Variants in AP1G2 observed in about 807,000 individuals in gnomAD.
AP1G2 encodes AP-1 complex subunit gamma-like 2.
AP1G2 carries 85 observed loss-of-function variants against 95.8 expected under a neutral mutation model. That is an observed-to-expected ratio of 0.89 (90% CI 0.74 to 1.06). AP1G2 has a LOEUF of 1.06. Among genes scored for constraint, AP1G2 ranks in the 50% least tolerant of loss-of-function variants. AP1G2 has a pLI of 0.00. For missense variants in AP1G2, 967 were observed against 1,005.8 expected, an observed-to-expected ratio of 0.96 and a Z score of 0.52; for synonymous variants, 378 against 400.0, an observed-to-expected ratio of 0.94 and a Z score of 0.66.
At position 23,566,574 on chromosome 14, in the gene AP1G2, T is replaced by C. The variant is rs1169462306; in HGVS notation, c.317A>G (p.Asn106Ser). Residue 106 changes from asparagine to serine, a missense_variant, in exon 3 of 22, where the codon AAC becomes AGC. Asn to Ser is a conservative substitution (Grantham distance 46). Transcript: ENST00000397120. ...AGAACCCTCTCACTTCTTGATGCTGTTGGTAATGAGCAGGTGGGCATCGTG... is the reference window on the plus strand; with the variant it reads ...AGAACCCTCTCACTTCTTGATGCTGCTGGTAATGAGCAGGTGGGCATCGTG... ...ERHDAHLLIT[N>S]SIKNDLSQGI... is the part of the protein sequence containing the mutation. 1 of 1,614,010 alleles carries C rather than the reference T, an allele frequency of 6.2e-7. No individual in the cohort carries two copies. The highest frequency in any genetic ancestry group is 1.1e-5 in the South Asian group (1 of 91,088).
Position 23,565,110 on chromosome 14 carries a change from A to C in AP1G2, c.822+9T>G. 1.9e-6 allele frequency: 3 copies of C among 1,614,006 alleles called. No individual in the cohort carries two copies. In the South Asian group the frequency reaches 3.3e-5, roughly 18 times the overall value. On this transcript the variant is annotated intron_variant, in intron 8 of 21. Transcript: ENST00000397120. ...CAACACAGCTAACCAGTGCCCTCCC[A>C]GGCCCCACCTGGGCCAGCAAGTCAT...
rs1458985162 is a variant in AP1G2 at position 23,562,386 on chromosome 14, C to G, written c.1530G>C (p.Leu510=). 2 of 1,614,176 alleles carry G rather than the reference C, an allele frequency of 1.2e-6. No homozygotes were observed. Among genetic ancestry groups the G allele is most frequent in the Non-Finnish European group, 1.7e-6 (2 of 1,180,020 alleles). The change falls in exon 16 of 22, where the codon CTG becomes CTC. Residue 510 remains leucine (L), a synonymous_variant. Transcript: ENST00000397120. The stretch of plus-strand genomic sequence containing the variant: ...ACATGTGGGACTGCAGCACCTTTTC[C>G]AGCAATGCCAGCACTTCCTCTTCGT... ...QVDEEEVLAL[L]EKVLQSHMSL...
At position 23,561,613 on chromosome 14, in the gene AP1G2, G is replaced by A. The variant is rs183261172; in HGVS notation, c.1756C>T (p.Pro586Ser). 1.4e-5 allele frequency: 22 copies of A among 1,614,068 alleles called. No homozygotes were observed. The Admixed American group carries it at 1.8e-4, about 13-fold the overall frequency. The change falls in exon 18 of 22, where the codon CCT becomes TCT. Residue 586 changes from proline (P) to serine (S), a missense_variant. Pro to Ser is a moderately conservative substitution (Grantham distance 74). Transcript: ENST00000397120. ...HMRAAILEKM[P>S]LVERDGPQAD... The stretch of plus-strand genomic sequence containing the variant: ...TGAGGGCCATCTCGCTCCACAAGAG[G>A]CATTTTTTCCAGGATGGCAGCCCTG...
At chr14:23,561,219 C>T in intron 19 of AP1G2, 77 bp downstream of exon 19, 1 of 1,494,180 alleles carries the variant, frequency 6.7e-7, no homozygotes, top group South Asian at 1.4e-5. Context: ...CCATGAGCCT[C>T]AGCCCTTGGC....
chr14:23,566,899 C>G (rs1489345624), intron 2 of AP1G2: 1 of 888,200 alleles, frequency 1.1e-6, no homozygotes, highest in African/African-American at 1.7e-5. Context: ...GGAGGAGATG[C>G]CTGCCCTAAA....
At position 23,567,556 on chromosome 14, in the gene AP1G2, G is replaced by A; in HGVS notation, c.-6+183C>T. ...GCGCCCCTTCCTATTGAGCATGCGC[G>A]GGAGCCCCACCTATTTCTCTCTACC... On this transcript the variant is annotated intron_variant, in intron 1 of 21. Coordinates refer to ENST00000397120, the MANE Select transcript of AP1G2 (RefSeq NM_003917.5). The surrounding 1 kb of genome is among the most constrained non-coding windows in gnomAD (Gnocchi z 5.3). 2 of 1,318,256 alleles carry A rather than the reference G, an allele frequency of 1.5e-6. No homozygotes were observed. Among genetic ancestry groups the A allele is most frequent in the Non-Finnish European group, 1.9e-6 (2 of 1,039,094 alleles). 81.7% of individuals were successfully genotyped at this position (1,318,256 alleles called of 1,614,324 possible).
At chr14:23,566,004 G>T in intron 5 of AP1G2, 60 bp downstream of exon 5, 1 of 1,613,574 alleles carries the variant, frequency 6.2e-7, no homozygotes, top group South Asian at 1.1e-5. Context: ...GTTCCCATCC[G>T]ATTTTCAATT....
chr14:23,564,415 T>A, intron 9 of AP1G2, 27 bp from the exon 10 acceptor site: 1 of 1,613,812 alleles, frequency 6.2e-7, no homozygotes, highest in Non-Finnish European at 8.5e-7. Context: ...TTGGGGTCAG[T>A]CGGAAAGGAG....
intron 8 of AP1G2, 103 bp downstream of exon 8, chr14:23,565,016 G>A: frequency 9.3e-7 from 1 of 1,077,328 alleles, no homozygotes; most frequent in Non-Finnish European, 1.4e-6. Context: ...GAGATGGAGA[G>A]GCAATTACAC....
At position 23,563,370 on chromosome 14, in the gene AP1G2, G is replaced by T. The variant is rs373713459; in HGVS notation, c.1410+10C>A. 1 of 1,580,334 alleles carries T rather than the reference G, an allele frequency of 6.3e-7. No individual in the cohort carries two copies. Among genetic ancestry groups the T allele is most frequent in the Admixed American group, 1.8e-5 (1 of 55,416 alleles). On this transcript the variant is annotated intron_variant, in intron 14 of 21. Transcript: ENST00000397120. ...GGGCAGCCCTGGGCCTAGGTAGGTG[G>T]GAATGGTACCTGGGAAATGTCTTCT... is the stretch of plus-strand genomic sequence containing the variant.
At chr14:23,560,884 A>T in intron 19 of AP1G2, 1 of 183,874 alleles carries the variant, frequency 5.4e-6, no homozygotes, top group Non-Finnish European at 1.1e-5. Context: ...GAACTGACTT[A>T]AATAGGAGTG....
chr14:23,561,398 C>T lies in AP1G2; in HGVS notation c.1891G>A (p.Asp631Asn). ...SQLLDLLDLL[D>N]GASGDVQHPP... ...TGCTGGACATCCCCAGAAGCCCCATCCAGGAGATCTAGCAGATCCAGGAGC... is the reference window on the plus strand; with the variant it reads ...TGCTGGACATCCCCAGAAGCCCCATTCAGGAGATCTAGCAGATCCAGGAGC... Residue 631 changes from aspartate to asparagine, a missense_variant, in exon 19 of 22, where the codon GAT (aspartate) becomes AAT (asparagine). Coordinates refer to ENST00000397120, the MANE Select transcript of AP1G2 (RefSeq NM_003917.5). The T allele has an allele frequency of 6.2e-7, 1 of 1,606,200 alleles. No individual in the cohort carries two copies. Among genetic ancestry groups the T allele is most frequent in the Non-Finnish European group, 8.5e-7 (1 of 1,175,032 alleles).
intron 7 of AP1G2, 167 bp downstream of exon 7, chr14:23,565,439 T>C: frequency 1.4e-6 from 1 of 734,560 alleles, no homozygotes. Flanking sequence ...TTTTAGGCAT[T>C]CCCTCTCCCC....
chr14:23,564,760 C>T, intron 8 of AP1G2, 100 bp from the exon 9 acceptor site: 1 of 1,095,392 alleles, frequency 9.1e-7, no homozygotes, highest in Admixed American at 2.0e-5. Flanking sequence ...TCACTGCAGC[C>T]TTGACCTCCC....
Position 23,567,336 on chromosome 14 carries a change from G to T in AP1G2, c.-5-17C>A, listed in dbSNP as rs1288020419. ...CCATCCTGACTGGCAGAGTCCGGGA[G>T]TGGAGAAACACTCTCTGGTCGGGCG... On this transcript the variant is annotated splice_polypyrimidine_tract_variant and intron_variant, in intron 1 of 21. Coordinates refer to ENST00000397120, the MANE Select transcript of AP1G2 (RefSeq NM_003917.5). This position sits in a 1 kb window ranked among gnomAD's most constrained non-coding sequence, Gnocchi z 5.3. 6.2e-7 allele frequency: 1 copy of T among 1,608,780 alleles called. No individual in the cohort carries two copies. Among genetic ancestry groups the T allele is most frequent in the African/African-American group, 1.3e-5 (1 of 74,712 alleles).
Position 23,561,384 on chromosome 14 carries a change from C to T in AP1G2, c.1905G>A (p.Gly635=), listed in dbSNP as rs962114120. The T allele has an allele frequency of 1.7e-5, 28 of 1,602,434 alleles. No homozygotes were observed. The highest frequency in any genetic ancestry group is 2.4e-5 in the Non-Finnish European group (28 of 1,173,056). Residue 635 remains glycine (G), a synonymous_variant, in exon 19 of 22, where the codon GGG becomes GGA. Coordinates refer to ENST00000397120, the MANE Select transcript of AP1G2 (RefSeq NM_003917.5). The part of the protein sequence containing the change: ...DLLDLLDGAS[G]DVQHPPHLDP... Reference sequence around the variant, plus strand: ...CCAGATGGGGAGGATGCTGGACATCCCCAGAAGCCCCATCCAGGAGATCTA... The same window carrying T: ...CCAGATGGGGAGGATGCTGGACATCTCCAGAAGCCCCATCCAGGAGATCTA...
chr14:23,566,086 T>G lies in AP1G2; in HGVS notation c.546A>C (p.Gln182His), dbSNP rs765851028. 3.7e-6 allele frequency: 6 copies of G among 1,613,996 alleles called. No individual in the cohort carries two copies. The South Asian group carries it at 4.4e-5, about 12-fold the overall frequency. The change falls in exon 5 of 22, where the codon CAA (glutamine) becomes CAC (histidine). Residue 182 changes from glutamine (Q) to histidine (H), a missense_variant. Coordinates refer to ENST00000397120, the MANE Select transcript of AP1G2 (RefSeq NM_003917.5). ...LSSVFLPPCAQLLHERHHGIL... is the reference protein window; with the variant it reads ...LSSVFLPPCAHLLHERHHGIL... ...TACCATGGTGACGCTCATGAAGCAG[T>G]TGGGCACAGGGTGGGAGGAAGACAC...
Position 23,563,622 on chromosome 14 carries a change from G to T in AP1G2, c.1249C>A (p.Arg417Ser). 3 of 1,614,184 alleles carry T rather than the reference G, an allele frequency of 1.9e-6. No homozygotes were observed. The highest frequency in any genetic ancestry group is 1.7e-6 in the Non-Finnish European group (2 of 1,180,034). The stretch of plus-strand genomic sequence containing the variant: ...TGCAGGATGGTGTCTATGTGCCAGC[G>T]TTTGGTTGGAGCAAACCTAGGGGAT... ...LAAERFAPTK[R>S]WHIDTILHVL... Residue 417 changes from arginine (R) to serine (S), a missense_variant, in exon 13 of 22, where the codon CGC becomes AGC. By Grantham distance (110) the Arg-to-Ser change is moderately radical. Transcript: ENST00000397120.
Position 23,559,699 on chromosome 14 carries a change from C to A in AP1G2, c.*50G>T. The stretch of plus-strand genomic sequence containing the variant: ...AGGTGTAGGTTCGAAGCTGCTGGGG[C>A]CCCCTGGGGTTTGGGACACAGGAGA... On this transcript the variant is annotated 3_prime_UTR_variant, in exon 22 of 22. Transcript: ENST00000397120. 1 of 1,575,130 alleles carries A rather than the reference C, an allele frequency of 6.3e-7. No individual in the cohort carries two copies. The highest frequency in any genetic ancestry group is 8.7e-7 in the Non-Finnish European group (1 of 1,149,190).
Sources: gnomAD v4.1 joint callset for allele counts on GRCh38, gnomAD v4.1.1 for gene constraint, Gnocchi (gnomAD v3.1) non-coding constraint, MANE v1.5 for transcripts, NCBI Gene and HGNC (gene_info 2026-07-23, HGNC 2026-07-21) for gene names.